Variants in CASK observed in about 807,000 individuals in gnomAD.
The protein encoded by CASK is calcium/calmodulin dependent serine protein kinase.
In CASK, 4 loss-of-function variants were observed where a neutral mutation model predicts 82.9. The ratio of observed to expected loss-of-function variants is 0.05; its 90% confidence interval spans 0.02 to 0.11. The LOEUF is 0.11. Ranked by LOEUF, CASK falls within the 10% of genes least tolerant of loss-of-function variation. The pLI is 1.00. For missense variants in CASK, 358 were observed against 720.9 expected (o/e 0.50, Z 5.76); for synonymous variants, 259 against 253.5 (o/e 1.02, Z -0.20).
chrX:41,861,271 CGTGT>C (rs1281399436), intron 1 of CASK, among the ~76,000 whole-genome samples: 1 of 110,644 alleles, frequency 9.0e-6, no homozygotes, highest in Non-Finnish European at 1.9e-5. Flanking sequence ...CGTGTGCATG[CGTGT>C]GTGAGAAGGG....
At chrX:41,824,634 T>A (rs1248795436) in intron 2 of CASK, among the ~76,000 whole-genome samples, 1 of 111,871 alleles carries the variant, frequency 8.9e-6, no homozygotes, top group Non-Finnish European at 1.9e-5. Flanking sequence ...GTTACTGGCT[T>A]CCTCCAGCAG....
chrX:41,786,495 A>C (rs2069606743), intron 3 of CASK, among the ~76,000 whole-genome samples: 1 of 108,695 alleles, frequency 9.2e-6, no homozygotes, highest in Non-Finnish European at 1.9e-5. Context: ...TCAGACTCTC[A>C]AAGCACTGAG....
chrX:41,626,477 G>T, intron 10 of CASK, 127 bp downstream of exon 10: 1 of 525,233 alleles, frequency 1.9e-6, no homozygotes. Flanking sequence ...TTTGGTTGCT[G>T]ACAAACTTCC....
At chrX:41,754,304 G>A (rs913273011) in intron 3 of CASK, among the ~76,000 whole-genome samples, 1 of 110,763 alleles carries the variant, frequency 9.0e-6, no homozygotes, top group African/African-American at 3.3e-5. Context: ...AGGAGGCTGA[G>A]ACGGCCAAAT....
chrX:41,639,590 T>A (rs750960279), intron 8 of CASK, among the ~76,000 whole-genome samples: 1 of 111,277 alleles, frequency 9.0e-6, no homozygotes, highest in East Asian at 2.8e-4. Flanking sequence ...TCCAAAAAGC[T>A]TTTCTGAGGT....
chrX:41,562,109 T>A (rs2065236932), intron 16 of CASK: 1 of 116,786 alleles, frequency 8.6e-6, no homozygotes, highest in Non-Finnish European at 1.8e-5. Context: ...GGCTTAGAAC[T>A]GTTCTTGGCA....
At chrX:41,675,786 C>T in intron 5 of CASK, 3 of 1,203,146 alleles carry the variant, frequency 2.5e-6, no homozygotes, top group Non-Finnish European at 3.4e-6. Context: ...CCTGCTTCAG[C>T]TTCGTCTCCT....
chrX:41,530,712 T>C (rs1385207868), intron 25 of CASK, among the ~76,000 whole-genome samples: 2 of 112,210 alleles, frequency 1.8e-5, no homozygotes, highest in Non-Finnish European at 3.8e-5. Flanking sequence ...CAGATGATCG[T>C]AGGATTTCTG....
chrX:41,914,963 C>T (rs1284483106), intron 1 of CASK, among the ~76,000 whole-genome samples: 1 of 111,938 alleles, frequency 8.9e-6, no homozygotes. Context: ...GACTATTAAA[C>T]ATAATATTCA....
At position 41,760,692 on chromosome X, in the gene CASK, T is replaced by G. The variant is rs1187470173; in HGVS notation, c.279-15091A>C. ...TTGGTTAGTTAAATGGCCCCAGTTA[T>G]GCTTGCAGGGTTTAAAGGCCCAAGT... On this transcript the variant is annotated intron_variant, in intron 3 of 26. Coordinates refer to ENST00000378163, the MANE Select transcript of CASK (RefSeq NM_001367721.1). 3.6e-5 allele frequency among the ~76,000 whole-genome samples: 4 copies of G among 111,117 alleles called. No homozygotes were observed. The South Asian group carries it at 1.6e-3, about 43-fold the overall frequency.
chrX:41,913,353 A>G (rs1292075162), intron 1 of CASK, among the ~76,000 whole-genome samples: 1 of 112,209 alleles, frequency 8.9e-6, no homozygotes, highest in African/African-American at 3.2e-5. Flanking sequence ...TATAATAATA[A>G]TAAAATTTAA....
intron 2 of CASK, among the ~76,000 whole-genome samples, chrX:41,790,423 T>C (rs1197459506): frequency 8.9e-6 from 1 of 111,877 alleles, no homozygotes; most frequent in Non-Finnish European, 1.9e-5. Context: ...TTGGTTATAC[T>C]GAAAGTTTGT....
At chrX:41,594,100 T>C (rs1410810323) in intron 12 of CASK, among the ~76,000 whole-genome samples, 1 of 112,017 alleles carries the variant, frequency 8.9e-6, no homozygotes, top group African/African-American at 3.2e-5. Flanking sequence ...TCTTGGACTT[T>C]CAGCTAAAGC....
At chrX:41,572,281 G>T (rs2065423723) in intron 15 of CASK, among the ~76,000 whole-genome samples, 1 of 109,563 alleles carries the variant, frequency 9.1e-6, no homozygotes, top group African/African-American at 3.4e-5. Context: ...TATTCTTTGT[G>T]TATGAAGTGC....
chrX:41,572,310 A>G (rs886232934), intron 15 of CASK, among the ~76,000 whole-genome samples: 3 of 111,055 alleles, frequency 2.7e-5, no homozygotes, highest in African/African-American at 9.8e-5. Flanking sequence ...CAAGCAGAAC[A>G]TGATGATTGA....
chrX:41,577,097 T>C (rs2065495211), intron 15 of CASK, among the ~76,000 whole-genome samples: 1 of 112,032 alleles, frequency 8.9e-6, no homozygotes, highest in Non-Finnish European at 1.9e-5. Flanking sequence ...AATGCATAAA[T>C]TTGAATTTTT....
intron 5 of CASK, among the ~76,000 whole-genome samples, chrX:41,672,776 T>C (rs1460578804): frequency 8.9e-6 from 1 of 111,949 alleles, no homozygotes; most frequent in African/African-American, 3.3e-5. Context: ...CAAGTGTGTA[T>C]GTGAGAGCCA....
intron 1 of CASK, among the ~76,000 whole-genome samples, chrX:41,903,134 G>A (rs897263530): frequency 4.5e-5 from 5 of 112,254 alleles, no homozygotes; most frequent in Admixed American, 9.4e-5. Context: ...TATATCTTGC[G>A]ACATTATGTA....
intron 2 of CASK, among the ~76,000 whole-genome samples, chrX:41,814,048 A>T (rs767740124): frequency 6.2e-5 from 7 of 112,231 alleles, no homozygotes; most frequent in Non-Finnish European, 1.3e-4. Context: ...ATGAGATACC[A>T]TCTCACACCA....
Sources: gnomAD v4.1 joint callset for allele counts (sites outside exome capture counted in the v4.1 genomes callset) on GRCh38, gnomAD v4.1.1 for gene constraint, MANE v1.5 for transcripts, NCBI Gene and HGNC (gene_info 2026-07-23, HGNC 2026-07-21) for gene names.